The following AOPEP variants were observed in gnomAD, a reference collection of about 807,000 sequenced individuals.
AOPEP encodes aminopeptidase O.
In AOPEP, 77 loss-of-function variants were observed where a neutral mutation model predicts 98.1. The observed-to-expected ratio is 0.78, with a 90% CI of 0.65 to 0.95. The LOEUF is 0.95. AOPEP is among the 40% of genes least tolerant of loss of function. AOPEP has a pLI of 0.00. For synonymous variants in AOPEP, 346 were observed against 365.3 expected (o/e 0.95, Z 0.60); for missense variants, 1,024 against 1,024.7 (o/e 1.00, Z 0.01).
chr9:94,986,169 C>T (rs935832847), intron 11 of AOPEP, among the ~76,000 whole-genome samples: 2 of 152,152 alleles, frequency 1.3e-5, no homozygotes, highest in African/African-American at 4.8e-5. Flanking sequence ...CCTCTCTCCT[C>T]GGCTTGTAGA....
intron 7 of AOPEP, among the ~76,000 whole-genome samples, chr9:94,943,617 GAAA>G (rs780569018): frequency 2.4e-5 from 3 of 125,112 alleles, no homozygotes. Flanking sequence ...AAAGAAAAAA[GAAA>G]AAAAAAGGAT....
intron 13 of AOPEP, among the ~76,000 whole-genome samples, chr9:95,034,439 C>T (rs2064597496): frequency 6.6e-6 from 1 of 152,084 alleles, no homozygotes; most frequent in Admixed American, 6.5e-5. Flanking sequence ...ACTTAAGTGT[C>T]TGTACAGGTC....
At chr9:94,807,166 GCT>G (rs1229610837) in intron 5 of AOPEP, among the ~76,000 whole-genome samples, 1 of 152,146 alleles carries the variant, frequency 6.6e-6, no homozygotes, top group Admixed American at 6.5e-5. Context: ...TGGGGGCCAG[GCT>G]CTCTCTCTTC....
At chr9:94,737,767 G>C (rs1181888153) in intron 1 of AOPEP, among the ~76,000 whole-genome samples, 1 of 152,198 alleles carries the variant, frequency 6.6e-6, no homozygotes. Flanking sequence ...TAAGAGTGAG[G>C]GAGAAGTCTC....
chr9:95,079,736 G>A (rs2069517706), intron 14 of AOPEP, among the ~76,000 whole-genome samples: 1 of 152,168 alleles, frequency 6.6e-6, no homozygotes, highest in Admixed American at 6.5e-5. Flanking sequence ...TGGGAGTGGG[G>A]GTTCCTTCCG....
rs112066413 is a variant in AOPEP at position 94,919,482 on chromosome 9, C to G, written c.1365-4504C>G. ...TGCCAGGCTGTCTGGGCCACCCCCCCACTTTGGCTTCAGGACTACAGAAGC... is the reference window on the plus strand; with the variant it reads ...TGCCAGGCTGTCTGGGCCACCCCCCGACTTTGGCTTCAGGACTACAGAAGC... On this transcript the variant is annotated intron_variant, in intron 5 of 16. Coordinates refer to ENST00000375315, the MANE Select transcript of AOPEP (RefSeq NM_001193329.3). 7.9e-5 allele frequency among the ~76,000 whole-genome samples: 12 copies of G among 152,308 alleles called. No individual in the cohort carries two copies. In the East Asian group the frequency reaches 1.5e-3, roughly 20 times the overall value.
At chr9:94,931,818 C>T in intron 7 of AOPEP, 1 of 1,542,384 alleles carries the variant, frequency 6.5e-7, no homozygotes. Flanking sequence ...CTTCTTAAAG[C>T]ACTTTCTCCT....
At chr9:94,764,695 A>G (rs969322345) in intron 2 of AOPEP, among the ~76,000 whole-genome samples, 2 of 152,164 alleles carry the variant, frequency 1.3e-5, no homozygotes, top group Non-Finnish European at 2.9e-5. Context: ...GTATCCTGAA[A>G]CAGAAAAAAG....
intron 2 of AOPEP, among the ~76,000 whole-genome samples, chr9:94,770,665 G>T (rs752982291): frequency 4.6e-5 from 7 of 152,176 alleles, no homozygotes; most frequent in Non-Finnish European, 8.8e-5. Context: ...AGAAAAGATA[G>T]TCTAAGATAA....
intron 1 of AOPEP, among the ~76,000 whole-genome samples, chr9:94,733,210 G>A (rs572347430): frequency 2.0e-5 from 3 of 150,112 alleles, no homozygotes; most frequent in African/African-American, 7.4e-5. Context: ...AGGCTCAAGC[G>A]ATCCTCCTGC....
rs146020907 is a variant in AOPEP, at chr9:94,833,183, G to A, written c.1364+32181G>A. On this transcript the variant is annotated intron_variant, in intron 5 of 16. Coordinates refer to ENST00000375315, the MANE Select transcript of AOPEP (RefSeq NM_001193329.3). ...ACTCCTGACCTAAAGTGATCCACCC[G>A]CCTCTGCCTCCCAAACTGCTAGGAT... Among the ~76,000 whole-genome samples, 1,414 of 147,876 alleles carry A rather than the reference G, an allele frequency of 9.6e-3. 9 individuals carry two copies. Among genetic ancestry groups the A allele is most frequent in the Non-Finnish European group, 0.015 (1,045 of 67,508 alleles).
chr9:95,040,093 C>G (rs1419808975), intron 13 of AOPEP, among the ~76,000 whole-genome samples: 3 of 152,240 alleles, frequency 2.0e-5, no homozygotes, highest in African/African-American at 7.2e-5. Context: ...GGTGGCTTCT[C>G]CTCCCTCCCA....
intron 11 of AOPEP, among the ~76,000 whole-genome samples, chr9:94,987,894 A>G (rs1190011709): frequency 6.6e-6 from 1 of 152,192 alleles, no homozygotes; most frequent in Non-Finnish European, 1.5e-5. Flanking sequence ...TTGAGTAGCC[A>G]CTGATGCTTG....
chr9:94,905,612 T>G (rs2051024176), intron 5 of AOPEP, among the ~76,000 whole-genome samples: 1 of 152,226 alleles, frequency 6.6e-6, no homozygotes, highest in African/African-American at 2.4e-5. Flanking sequence ...GTACATATCA[T>G]GGAGCCCTTA....
At chr9:94,914,697 T>G (rs541539743) in intron 5 of AOPEP, among the ~76,000 whole-genome samples, 1 of 141,054 alleles carries the variant, frequency 7.1e-6, no homozygotes, top group Non-Finnish European at 1.6e-5. Context: ...TGGCAATGAG[T>G]TTTTGCTATT....
chr9:94,969,008 A>G (rs1379669848), intron 10 of AOPEP, among the ~76,000 whole-genome samples: 1 of 152,204 alleles, frequency 6.6e-6, no homozygotes, highest in East Asian at 1.9e-4. Context: ...GGACCAAGAT[A>G]CTGAGAGGCT....
At chr9:94,895,843 T>G (rs1008220387) in intron 5 of AOPEP, among the ~76,000 whole-genome samples, 2 of 152,148 alleles carry the variant, frequency 1.3e-5, no homozygotes, top group African/African-American at 4.8e-5. Flanking sequence ...TGTGAGCCCC[T>G]GCACTCGGCT....
At chr9:95,077,430 A>G (rs1020439323) in intron 14 of AOPEP, among the ~76,000 whole-genome samples, 2 of 152,228 alleles carry the variant, frequency 1.3e-5, no homozygotes, top group Non-Finnish European at 2.9e-5. Flanking sequence ...GCTGGCGACC[A>G]GAAGAGACAG....
intron 5 of AOPEP, among the ~76,000 whole-genome samples, chr9:94,876,336 A>G (rs2046932935): frequency 6.6e-6 from 1 of 151,964 alleles, no homozygotes; most frequent in East Asian, 1.9e-4. Context: ...AGTTGCTCTC[A>G]TAAACACATC....
Sources: gnomAD v4.1 joint callset for allele counts (sites outside exome capture counted in the v4.1 genomes callset) on GRCh38, gnomAD v4.1.1 for gene constraint, MANE v1.5 for transcripts, NCBI Gene and HGNC (gene_info 2026-07-23, HGNC 2026-07-21) for gene names.